Variants in ZNF831 observed in about 807,000 individuals in gnomAD.
The protein encoded by ZNF831 is zinc finger protein 831.
In ZNF831, 59 loss-of-function variants were observed where a neutral mutation model predicts 95.8. The ratio of observed to expected loss-of-function variants is 0.62; its 90% CI spans 0.50 to 0.77. The LOEUF (loss-of-function observed/expected upper bound fraction) is 0.77, where lower values mean the gene tolerates loss of function less well. Among genes scored for constraint, ZNF831 ranks in the 30% least tolerant of loss-of-function variants. The probability of loss-of-function intolerance (pLI) is 0.00; values close to 1 mark genes in which losing one functional copy is unlikely to be tolerated. For synonymous variants in ZNF831, 961 were observed against 925.5 expected, an observed-to-expected ratio of 1.04 and a Z score of -0.70; for missense variants, 2,205 against 2,164.0, an observed-to-expected ratio of 1.02 and a Z score of -0.38.
Position 59,253,029 on chromosome 20 carries a change from G to T in ZNF831, c.4079G>T (p.Cys1360Phe), listed in dbSNP as rs1194750145. The T allele has an allele frequency of 4.3e-6, 7 of 1,613,962 alleles. No individual in the cohort carries two copies. The highest frequency in any genetic ancestry group is 2.7e-5 in the African/African-American group (2 of 74,922). Residue 1360 changes from cysteine to phenylalanine, a missense_variant, in exon 5 of 6, where the codon TGT becomes TTT. Physicochemically the swap from Cys to Phe is radical, Grantham distance 205. Coordinates refer to ENST00000371030, the MANE Select transcript of ZNF831 (RefSeq NM_178457.3). ...TGTGCCACCTCAGAATCACCTCCTT[G>T]TTGTGGGAAGGAAGAGAAGAAGGAA... ...PSCATSESPPCCGKEEKKEGD... is the reference protein window; with the variant it reads ...PSCATSESPPFCGKEEKKEGD...
In ZNF831 at chr20:59,194,178, C is replaced by T. The variant is rs1193462326; in HGVS notation, c.3159C>T (p.Ser1053=). 1.3e-6 allele frequency: 2 copies of T among 1,594,204 alleles called. No homozygotes were observed. The highest frequency in any genetic ancestry group is 1.1e-5 in the South Asian group (1 of 87,838). ...CAGGGGCTCCCAGGGAGGCTACCTC[C>T]TCCCCGCCCACTCCAACGTGTGAGG... The part of the protein sequence containing the change: ...SAPGAPREAT[S]SPPTPTCEAH... Residue 1053 remains serine (S), a synonymous_variant, in exon 2 of 6, where the codon TCC becomes TCT. Coordinates refer to ENST00000371030, the MANE Select transcript of ZNF831 (RefSeq NM_178457.3).
chr20:59,139,535 C>G (rs1039861701), intron 1 of ZNF831, among the ~76,000 whole-genome samples: 2 of 152,082 alleles, frequency 1.3e-5, no homozygotes, highest in African/African-American at 2.4e-5. Flanking sequence ...TGTGAACAAC[C>G]AAATGACCAG....
At chr20:59,150,736 T>C (rs1235394361) in intron 2 of ZNF831, among the ~76,000 whole-genome samples, 1 of 152,176 alleles carries the variant, frequency 6.6e-6, no homozygotes, top group Non-Finnish European at 1.5e-5. Context: ...GGAGCTCTCC[T>C]TGAGTCTGCC....
intron 4 of ZNF831, among the ~76,000 whole-genome samples, chr20:59,235,023 C>T (rs1986923200): frequency 6.6e-6 from 1 of 152,122 alleles, no homozygotes; most frequent in Non-Finnish European, 1.5e-5. Flanking sequence ...ATTTTGTCAT[C>T]GTGGCTCCTA....
chr20:59,244,788 T>C (rs73309081), intron 4 of ZNF831, among the ~76,000 whole-genome samples: 2,919 of 152,344 alleles, frequency 0.019, 85 homozygotes, highest in African/African-American at 0.066. Context: ...TCTAGGCCGA[T>C]ACGTATATAG....
At chr20:59,150,608 G>A (rs73306860) in intron 2 of ZNF831, among the ~76,000 whole-genome samples, 18,794 of 152,212 alleles carry the variant, frequency 0.12, 1,263 homozygotes, top group African/African-American at 0.16. Flanking sequence ...TCATCTGGGA[G>A]GAACGTTGAG....
intron 1 of ZNF831, among the ~76,000 whole-genome samples, chr20:59,167,077 G>A (rs149311968): frequency 2.6e-5 from 4 of 152,238 alleles, no homozygotes; most frequent in African/African-American, 7.2e-5. Context: ...AGTGTTTCCA[G>A]ATCCTCGCCA....
At chr20:59,223,964 T>C (rs553473181) in intron 4 of ZNF831, among the ~76,000 whole-genome samples, 1 of 152,326 alleles carries the variant, frequency 6.6e-6, no homozygotes, top group Admixed American at 6.5e-5. Flanking sequence ...TCTCTCCCTG[T>C]CATCCACCAC....
chr20:59,188,036 T>C (rs1983202930), intron 1 of ZNF831, among the ~76,000 whole-genome samples: 1 of 152,254 alleles, frequency 6.6e-6, no homozygotes, highest in Non-Finnish European at 1.5e-5. Context: ...CGTTTGTCTA[T>C]CCACTCATCA....
rs8117825 is a variant in ZNF831, at chr20:59,257,120, A to C, written c.*2377A>C. ...GGATGATGGTGGAAGCTCTGTCCCT[A>C]TAGGAGCCACCGTTGCCAGCTGTCA... On this transcript the variant is annotated 3_prime_UTR_variant, in exon 6 of 6. Transcript: ENST00000371030. 0.21 allele frequency: 31,587 copies of C among 152,138 alleles called. 6,980 individuals are homozygous for C. The highest frequency in any genetic ancestry group is 0.56 in the African/African-American group (23,292 of 41,398). 9.4% of individuals were successfully genotyped at this position (152,138 alleles called of 1,614,324 possible).
At chr20:59,167,867 C>G (rs1289608171) in intron 1 of ZNF831, among the ~76,000 whole-genome samples, 2 of 151,476 alleles carry the variant, frequency 1.3e-5, no homozygotes, top group Non-Finnish European at 2.9e-5. Context: ...GAGCAAGACT[C>G]CATCTCAAAA....
At chr20:59,194,885 C>T in intron 2 of ZNF831, 128 bp downstream of exon 2, 1 of 1,326,182 alleles carries the variant, frequency 7.5e-7, no homozygotes, top group Non-Finnish European at 9.9e-7. Flanking sequence ...TTGCTTGTTC[C>T]TGAGGGAGGC....
chr20:59,225,980 G>A (rs1223626285), intron 4 of ZNF831, among the ~76,000 whole-genome samples: 5 of 152,188 alleles, frequency 3.3e-5, no homozygotes, highest in South Asian at 2.1e-4. Context: ...CAGAGTAGAC[G>A]TTCCTTTGGG....
At chr20:59,227,116 A>T (rs924016269) in intron 4 of ZNF831, among the ~76,000 whole-genome samples, 4 of 152,192 alleles carry the variant, frequency 2.6e-5, no homozygotes, top group Admixed American at 2.6e-4. Context: ...AATTTGTGTT[A>T]AAGGTTCCCC....
Position 59,254,973 on chromosome 20 carries a change from C to T in ZNF831, c.*230C>T. 2.0e-6 allele frequency: 1 copy of T among 491,264 alleles called. No individual in the cohort carries two copies. The highest frequency in any genetic ancestry group is 3.6e-5 in the Admixed American group (1 of 27,832). 30.4% of individuals were successfully genotyped at this position (491,264 alleles called of 1,614,324 possible). ...CTGCTCATCTTCAAATGGTGCCAGG[C>T]AGGGCAGACATGGCAAGGAAGCAAA... On this transcript the variant is annotated 3_prime_UTR_variant, in exon 6 of 6. Transcript: ENST00000371030. The surrounding 1 kb of genome is among the most constrained non-coding windows in gnomAD (Gnocchi z 4.5).
At position 59,254,795 on chromosome 20, in the gene ZNF831, A is replaced by G. The variant is rs1353110146; in HGVS notation, c.*52A>G. 1 of 1,547,418 alleles carries G rather than the reference A, an allele frequency of 6.5e-7. No individual in the cohort carries two copies. Among genetic ancestry groups the G allele is most frequent in the Non-Finnish European group, 8.7e-7 (1 of 1,153,050 alleles). Reference sequence around the variant, plus strand: ...TCAAAAAGACTGTTGACGCTTCACAAGTAAATGTTGTCAGGCTGGCGGAAG... The same window carrying G: ...TCAAAAAGACTGTTGACGCTTCACAGGTAAATGTTGTCAGGCTGGCGGAAG... On this transcript the variant is annotated 3_prime_UTR_variant, in exon 6 of 6. Transcript: ENST00000371030. The surrounding 1 kb of genome is among the most constrained non-coding windows in gnomAD (Gnocchi z 4.5).
intron 4 of ZNF831, among the ~76,000 whole-genome samples, chr20:59,244,692 C>A (rs977135322): frequency 6.6e-6 from 1 of 152,188 alleles, no homozygotes; most frequent in African/African-American, 2.4e-5. Context: ...CAGACAGACA[C>A]CTTTTGTTGT....
chr20:59,134,110 A>G (rs80225530), intron 1 of ZNF831, among the ~76,000 whole-genome samples: 14,012 of 152,074 alleles, frequency 0.092, 737 homozygotes, highest in Non-Finnish European at 0.12. Context: ...ATTGAGGACC[A>G]CCCCAGAACC....
In ZNF831 at chr20:59,183,924, G is replaced by T. The variant is rs79493274; in HGVS notation, c.-36-7060G>T. Among the ~76,000 whole-genome samples the T allele has an allele frequency of 6.2e-4, 95 of 152,246 alleles. 1 individual carries two copies. In the East Asian group the frequency reaches 0.016, roughly 26 times the overall value. ...ACCAAAGTCCATAGTCTACACTAGG[G>T]TTCTCTCTTGGTATTGCATGTTCCA... On this transcript the variant is annotated intron_variant, in intron 1 of 5. Transcript: ENST00000371030.
Sources: gnomAD v4.1 joint callset for allele counts (sites outside exome capture counted in the v4.1 genomes callset) on GRCh38, gnomAD v4.1.1 for gene constraint, Gnocchi (gnomAD v3.1) non-coding constraint, MANE v1.5 for transcripts, NCBI Gene and HGNC (gene_info 2026-07-23, HGNC 2026-07-21) for gene names.